LRRN1: variants seen among roughly 807,000 people sequenced by gnomAD.
LRRN1 encodes leucine-rich repeat neuronal protein 1.
Under a neutral mutation model 45.8 loss-of-function variants are expected in LRRN1, and 14 were observed. The observed-to-expected ratio is 0.31, with a 90% CI of 0.20 to 0.48. The LOEUF (loss-of-function observed/expected upper bound fraction) is 0.48, where lower values mean the gene tolerates loss of function less well. Ranked by LOEUF, LRRN1 falls within the 20% of genes least tolerant of loss-of-function variation. The pLI is 0.99. For synonymous variants in LRRN1, 359 were observed against 330.1 expected (o/e 1.09, Z -0.95); for missense variants, 789 against 874.2 (o/e 0.90, Z 1.23).
In LRRN1 at chr3:3,845,694, C is replaced by T; in HGVS notation, c.1053C>T (p.Ala351=). 1 of 1,614,024 alleles carries T rather than the reference C, an allele frequency of 6.2e-7. No individual in the cohort carries two copies. The highest frequency in any genetic ancestry group is 1.7e-5 in the Admixed American group (1 of 60,000). ...SLMLNNNALN[A]IYQKTVESLP... ...TGCTGAACAACAATGCCTTGAATGCCATTTACCAAAAGACAGTCGAATCCC... is the reference window on the plus strand; with the variant it reads ...TGCTGAACAACAATGCCTTGAATGCTATTTACCAAAAGACAGTCGAATCCC... The change falls in exon 2 of 2, where the codon GCC becomes GCT. Residue 351 remains alanine, a synonymous_variant. Transcript: ENST00000319331. The surrounding 1 kb of genome is among the most constrained non-coding windows in gnomAD (Gnocchi z 6.5).
At chr3:3,800,936 G>C (rs1380827966) in intron 1 of LRRN1, 2 of 152,340 alleles carry the variant, frequency 1.3e-5, no homozygotes, top group South Asian at 2.1e-4. Flanking sequence ...GGCGGCCGCC[G>C]ACTCGGCGCT....
chr3:3,822,805 G>A (rs886952865), intron 1 of LRRN1: 1 of 152,128 alleles, frequency 6.6e-6, no homozygotes, highest in Non-Finnish European at 1.5e-5. Flanking sequence ...GGATTTTGAA[G>A]GCAGCCACTT....
Position 3,849,101 on chromosome 3 carries a change from A to G in LRRN1, c.*2309A>G, listed in dbSNP as rs2106475063. Among the ~76,000 whole-genome samples the G allele has an allele frequency of 6.6e-6, 1 of 152,350 alleles. No individual in the cohort carries two copies. Among genetic ancestry groups the G allele is most frequent in the African/African-American group, 2.4e-5 (1 of 41,590 alleles). On this transcript the variant is annotated 3_prime_UTR_variant, in exon 2 of 2. Transcript: ENST00000319331. ...GTTCATCTGTGAACCATGAAAATGGATGGCACTGATGCATTAGACCCTCAG... is the reference window on the plus strand; with the variant it reads ...GTTCATCTGTGAACCATGAAAATGGGTGGCACTGATGCATTAGACCCTCAG...
chr3:3,814,817 G>A (rs188932339), intron 1 of LRRN1, among the ~76,000 whole-genome samples: 127 of 152,244 alleles, frequency 8.3e-4, no homozygotes, highest in Middle Eastern at 6.8e-3. Flanking sequence ...GTCCTCACCA[G>A]ACACCACATC....
intron 1 of LRRN1, among the ~76,000 whole-genome samples, chr3:3,841,426 G>T (rs912258043): frequency 6.6e-5 from 10 of 152,110 alleles, no homozygotes; most frequent in South Asian, 2.1e-4. Flanking sequence ...ATTGTGGCCA[G>T]TGCACCTGTT....
At chr3:3,803,160 GCCA>G (rs1017702164) in intron 1 of LRRN1, among the ~76,000 whole-genome samples, 1 of 152,160 alleles carries the variant, frequency 6.6e-6, no homozygotes, top group Non-Finnish European at 1.5e-5. Context: ...CTGTGCTAAG[GCCA>G]CCTTCTTGAT....
At chr3:3,841,278 G>A (rs1164536321) in intron 1 of LRRN1, among the ~76,000 whole-genome samples, 40 of 111,554 alleles carry the variant, frequency 3.6e-4, no homozygotes, top group South Asian at 1.7e-3. Flanking sequence ...GCGACAGAGC[G>A]AGACTTTGTC....
At chr3:3,806,029 T>C (rs982159825) in intron 1 of LRRN1, among the ~76,000 whole-genome samples, 4 of 151,532 alleles carry the variant, frequency 2.6e-5, no homozygotes, top group Non-Finnish European at 5.9e-5. Flanking sequence ...AGGGTGATTT[T>C]TGCCTCTGAG....
chr3:3,816,189 C>T lies in LRRN1; in HGVS notation c.-279+16270C>T, dbSNP rs1212281505. On this transcript the variant is annotated intron_variant, in intron 1 of 1. Coordinates refer to ENST00000319331, the MANE Select transcript of LRRN1 (RefSeq NM_020873.7). The surrounding 1 kb of genome is among the most constrained non-coding windows in gnomAD (Gnocchi z 4.0). ...TTTAATGTTCTCAGCTGTTCCTTTG[C>T]ACCATATGATTACACAAGCCTAGAC... 6.6e-6 allele frequency among the ~76,000 whole-genome samples: 1 copy of T among 152,114 alleles called. No homozygotes were observed. Among genetic ancestry groups the T allele is most frequent in the Non-Finnish European group, 1.5e-5 (1 of 68,000 alleles).
intron 1 of LRRN1, among the ~76,000 whole-genome samples, chr3:3,843,270 G>A (rs376295946): frequency 6.6e-6 from 1 of 152,132 alleles, no homozygotes; most frequent in African/African-American, 2.4e-5. Context: ...ACATTCTCAC[G>A]AGATTAATGA....
At chr3:3,823,426 G>A (rs1452666487) in intron 1 of LRRN1, among the ~76,000 whole-genome samples, 2 of 152,032 alleles carry the variant, frequency 1.3e-5, no homozygotes, top group African/African-American at 4.8e-5. Context: ...AGAAGGTTAG[G>A]TTAAAAGAAG....
chr3:3,811,852 A>T (rs1031745987), intron 1 of LRRN1, among the ~76,000 whole-genome samples: 15 of 152,228 alleles, frequency 9.9e-5, no homozygotes, highest in African/African-American at 3.6e-4. Flanking sequence ...AATCAAAATA[A>T]TTAAGTGATC....
chr3:3,801,989 C>T (rs1334701666), intron 1 of LRRN1, among the ~76,000 whole-genome samples: 1 of 152,172 alleles, frequency 6.6e-6, no homozygotes, highest in African/African-American at 2.4e-5. Context: ...AGATCGTTGT[C>T]GTTGACCGAC....
chr3:3,830,743 T>C (rs1264903475), intron 1 of LRRN1, among the ~76,000 whole-genome samples: 6 of 152,148 alleles, frequency 3.9e-5, no homozygotes, highest in Non-Finnish European at 7.4e-5. Flanking sequence ...ACCACTTCCA[T>C]TTGATGATGG....
chr3:3,841,463 A>G (rs2106469908), intron 1 of LRRN1, among the ~76,000 whole-genome samples: 1 of 152,230 alleles, frequency 6.6e-6, no homozygotes, highest in East Asian at 1.9e-4. Context: ...CAGAAACAAG[A>G]GTGAAATAAA....
chr3:3,843,682 T>A (rs1436786783), intron 1 of LRRN1, among the ~76,000 whole-genome samples: 2 of 152,234 alleles, frequency 1.3e-5, no homozygotes, highest in East Asian at 3.8e-4. Flanking sequence ...TGATCTTTTA[T>A]GACTGGCATC....
In LRRN1 at chr3:3,846,369, C is replaced by T. The variant is rs777288217; in HGVS notation, c.1728C>T (p.Val576=). ...PHITYTARVP[V]DVHEYNLTHL... is the part of the protein sequence containing the mutation. ...TAACATATACTGCCAGGGTCCCAGTCGATGTCCATGAATACAACCTAACGC... is the reference window on the plus strand; with the variant it reads ...TAACATATACTGCCAGGGTCCCAGTTGATGTCCATGAATACAACCTAACGC... The change falls in exon 2 of 2, where the codon GTC becomes GTT. Residue 576 remains valine, a synonymous_variant. Coordinates refer to ENST00000319331, the MANE Select transcript of LRRN1 (RefSeq NM_020873.7). The surrounding 1 kb of genome is among the most constrained non-coding windows in gnomAD (Gnocchi z 5.7). 2.5e-5 allele frequency: 40 copies of T among 1,613,612 alleles called. No individual in the cohort carries two copies. Among genetic ancestry groups the T allele is most frequent in the South Asian group, 7.7e-5 (7 of 91,070 alleles).
chr3:3,827,340 T>A, intron 1 of LRRN1: 1 of 395,308 alleles, frequency 2.5e-6, no homozygotes, highest in Non-Finnish European at 5.2e-6. Flanking sequence ...TGAAAGCCCT[T>A]GTTAAGTATC....
intron 1 of LRRN1, among the ~76,000 whole-genome samples, chr3:3,835,788 G>A (rs1252948203): frequency 1.3e-5 from 2 of 152,008 alleles, no homozygotes; most frequent in African/African-American, 4.8e-5. Flanking sequence ...GCCAAGTGCA[G>A]TGATGGTGAT....
Sources: allele counts gnomAD v4.1 joint callset (sites outside exome capture counted in the v4.1 genomes callset), GRCh38; gene constraint gnomAD v4.1.1; non-coding constraint Gnocchi (gnomAD v3.1); transcripts MANE v1.5; gene names NCBI Gene and HGNC (gene_info 2026-07-23, HGNC 2026-07-21).